Variants in CRELD2 observed in about 807,000 individuals in gnomAD.
The protein encoded by CRELD2 is CRELD disulfide isomerase 2.
Under a neutral mutation model 48.1 loss-of-function variants are expected in CRELD2, and 33 were observed. That is an observed-to-expected ratio of 0.69 (90% CI 0.52 to 0.92). CRELD2 has a LOEUF of 0.92. Ranked by LOEUF, CRELD2 falls within the 40% of genes least tolerant of loss-of-function variation. CRELD2 has a pLI of 0.00. For missense variants in CRELD2, 477 were observed against 482.4 expected, an observed-to-expected ratio of 0.99 and a Z score of 0.10; for synonymous variants, 220 against 203.9, an observed-to-expected ratio of 1.08 and a Z score of -0.67.
chr22:49,922,082 C>T, intron 5 of CRELD2: 1 of 635,810 alleles, frequency 1.6e-6, no homozygotes, highest in Non-Finnish European at 2.7e-6. Flanking sequence ...CCGCACCGGC[C>T]CAGAGAGCAG....
At chr22:49,927,135 C>T (rs569474871) in intron 9 of CRELD2, 120 bp from the exon 10 acceptor site, 77 of 884,626 alleles carry the variant, frequency 8.7e-5, no homozygotes, top group African/African-American at 6.1e-4. Context: ...TGGCTGCGTC[C>T]GGGGCTTTGA....
At chr22:49,924,644 G>T in intron 8 of CRELD2, 189 bp downstream of exon 8, 1 of 480,266 alleles carries the variant, frequency 2.1e-6, no homozygotes, top group Non-Finnish European at 3.8e-6. Flanking sequence ...GGTGGGGGAC[G>T]GGCTCTGCAT....
rs376931184 is a variant in CRELD2, at chr22:49,919,775, C to T, written c.258C>T (p.Ser86=). The T allele has an allele frequency of 9.3e-5, 150 of 1,612,562 alleles. No homozygotes were observed. Among genetic ancestry groups the T allele is most frequent in the Non-Finnish European group, 1.2e-4 (140 of 1,179,500 alleles). The change falls in exon 3 of 10, where the codon AGC becomes AGT. Residue 86 remains serine (S), a synonymous_variant. Coordinates refer to ENST00000328268, the MANE Select transcript of CRELD2 (RefSeq NM_024324.5). The part of the protein sequence containing the change: ...LEILEGLCES[S]DFECNQMLEA... Reference sequence around the variant, plus strand: ...TCCTGGAGGGGCTGTGCGAGAGCAGCGACTTCGAATGCAATCAGATGCTAG... The same window carrying T: ...TCCTGGAGGGGCTGTGCGAGAGCAGTGACTTCGAATGCAATCAGATGCTAG...
Position 49,923,313 on chromosome 22 carries a change from C to T in CRELD2, c.768C>T (p.Cys256=), listed in dbSNP as rs139517764. The change falls in exon 7 of 10, where the codon TGC becomes TGT. Residue 256 remains cysteine, a synonymous_variant. Coordinates refer to ENST00000328268, the MANE Select transcript of CRELD2 (RefSeq NM_024324.5). The stretch of plus-strand genomic sequence containing the variant: ...AGAACGCCAACGGCTCCTACACGTG[C>T]GAAGGTGGGCCAGGCGGGCGGGTCT... The part of the protein sequence containing the change: ...FCKNANGSYT[C]EECDSSCVGC... 1.4e-5 allele frequency: 23 copies of T among 1,598,254 alleles called. No individual in the cohort carries two copies. In the South Asian group the frequency reaches 1.5e-4, roughly 10 times the overall value.
intron 5 of CRELD2, 75 bp from the exon 6 acceptor site, chr22:49,922,535 TCA>T: frequency 6.7e-7 from 1 of 1,484,036 alleles, no homozygotes. Context: ...CTTAAATTCC[TCA>T]CTTTTAAACG....
At chr22:49,925,949 C>T in intron 9 of CRELD2, 1 of 186,740 alleles carries the variant, frequency 5.4e-6, no homozygotes, top group South Asian at 1.1e-4. Flanking sequence ...GCAAGCGGGT[C>T]CCCCACACCT....
In CRELD2 at chr22:49,919,034, C is replaced by G. The variant is rs191156794; in HGVS notation, c.129+136C>G. On this transcript the variant is annotated intron_variant, in intron 1 of 9. Coordinates refer to ENST00000328268, the MANE Select transcript of CRELD2 (RefSeq NM_024324.5). Reference sequence around the variant, plus strand: ...TCCCCCTCACCCTGGATTCGGGATCCCCCTCACCGTCGATCCAGAGTCCCT... The same window carrying G: ...TCCCCCTCACCCTGGATTCGGGATCGCCCTCACCGTCGATCCAGAGTCCCT... The G allele has an allele frequency of 1.1e-3, 753 of 705,968 alleles. 1 individual carries two copies. The highest frequency in any genetic ancestry group is 1.4e-3 in the Non-Finnish European group (645 of 475,994). 43.7% of individuals were successfully genotyped at this position (705,968 alleles called of 1,614,324 possible). A position where few individuals can be genotyped will look rare whatever the true frequency, so the allele number is the denominator to read the frequency against.
chr22:49,919,965 C>T, intron 3 of CRELD2, 125 bp downstream of exon 3: 2 of 822,082 alleles, frequency 2.4e-6, no homozygotes, highest in South Asian at 3.1e-5. Context: ...CCACCTTACC[C>T]CTGCATTACC....
intron 1 of CRELD2, 83 bp downstream of exon 1, chr22:49,918,981 C>G: frequency 1.7e-6 from 2 of 1,205,524 alleles, no homozygotes; most frequent in South Asian, 1.7e-5. Context: ...ACCTTGGGCC[C>G]AGGGTCGCCC....
Position 49,920,141 on chromosome 22 carries a change from T to C in CRELD2, c.324-15T>C. On this transcript the variant is annotated splice_polypyrimidine_tract_variant and intron_variant, in intron 3 of 9. Coordinates refer to ENST00000328268, the MANE Select transcript of CRELD2 (RefSeq NM_024324.5). ...TGTCTGCTGGGATTCAGTGAATGTT[T>C]TCCTCCATCCTCAGGAAGAGCGAAT... 1.3e-6 allele frequency: 2 copies of C among 1,569,118 alleles called. No homozygotes were observed.
intron 3 of CRELD2, 100 bp downstream of exon 3, chr22:49,919,940 C>T (rs2060663884): frequency 1.0e-6 from 1 of 963,970 alleles, no homozygotes; most frequent in South Asian, 1.5e-5. Context: ...TAGGGAGCTC[C>T]CACCTGCCTC....
chr22:49,921,614 A>T lies in CRELD2; in HGVS notation c.445A>T (p.Ser149Cys), dbSNP rs374082017. 18 of 1,612,664 alleles carry T rather than the reference A, an allele frequency of 1.1e-5. No homozygotes were observed. The highest frequency in any genetic ancestry group is 6.7e-5 in the Admixed American group (4 of 59,992). ...ACQGGSQRPC[S>C]GNGHCSGDGS... is the part of the protein sequence containing the mutation. ...CCAGGGCGGATCCCAGAGGCCCTGC[A>T]GCGGGAATGGCCACTGCAGCGGAGA... The change falls in exon 5 of 10, where the codon AGC becomes TGC. Residue 149 changes from serine (S) to cysteine (C), a missense_variant. Ser to Cys is a moderately radical substitution (Grantham distance 112, BLOSUM62 -1). Transcript: ENST00000328268.
chr22:49,925,413 T>G lies in CRELD2; in HGVS notation c.869-4T>G, dbSNP rs751900258. 3.2e-6 allele frequency: 5 copies of G among 1,580,136 alleles called. No individual in the cohort carries two copies. In the South Asian group the frequency reaches 5.7e-5, roughly 18 times the overall value. On this transcript the variant is annotated splice_polypyrimidine_tract_variant and splice_region_variant and intron_variant, in intron 8 of 9. Transcript: ENST00000328268. Reference sequence around the variant, plus strand: ...ATTATTAAAACGGAGTCTTTTCATTTTAGATGTGGACGAGTGCTCACTAGC... The same window carrying G: ...ATTATTAAAACGGAGTCTTTTCATTGTAGATGTGGACGAGTGCTCACTAGC...
At position 49,927,260 on chromosome 22, in the gene CRELD2, ACAG is replaced by A. The variant is rs1471599880; in HGVS notation, c.1016_1018del (p.Thr339_Glu340delinsLys). The A allele has an allele frequency of 1.2e-6, 2 of 1,612,376 alleles. No homozygotes were observed. The highest frequency in any genetic ancestry group is 1.7e-6 in the Non-Finnish European group (2 of 1,179,818). The stretch of plus-strand genomic sequence containing the variant: ...CTATGCTTGTTTTCTGACAGAAGCC[ACAG>A]AAGGAGAAAGCCCGACACAGCTGCC... On this transcript the variant is annotated inframe_deletion, in exon 10 of 10. Coordinates refer to ENST00000328268, the MANE Select transcript of CRELD2 (RefSeq NM_024324.5).
At position 49,924,242 on chromosome 22, in the gene CRELD2, G is replaced by T. The variant is rs932885061; in HGVS notation, c.773-118G>T. On this transcript the variant is annotated intron_variant, in intron 7 of 9. Transcript: ENST00000328268. ...GAGACAGATCGTTATAAAGTCACTT[G>T]GTGATGAATGAGGAGAAAACCCAAA... is the stretch of plus-strand genomic sequence containing the variant. 15 of 641,372 alleles carry T rather than the reference G, an allele frequency of 2.3e-5. No homozygotes were observed. The Admixed American group carries it at 3.1e-4, about 13-fold the overall frequency. 39.7% of individuals were successfully genotyped at this position (641,372 alleles called of 1,614,324 possible). A position where few individuals can be genotyped will look rare whatever the true frequency, so the allele number is the denominator to read the frequency against.
Position 49,921,780 on chromosome 22 carries a change from C to T in CRELD2, c.592+19C>T. 6.3e-7 allele frequency: 1 copy of T among 1,594,706 alleles called. No individual in the cohort carries two copies. ...TGCACAGGTACGGGCTACGCCTGGG[C>T]TGGCCCCGGGGTTGAGGCGGGATGA... On this transcript the variant is annotated intron_variant, in intron 5 of 9. Coordinates refer to ENST00000328268, the MANE Select transcript of CRELD2 (RefSeq NM_024324.5).
chr22:49,923,603 CTT>C, intron 7 of CRELD2: 2 of 538,388 alleles, frequency 3.7e-6, no homozygotes, highest in Admixed American at 2.9e-5. Flanking sequence ...CCCTGCGTGA[CTT>C]TCCGCAGCGC....
At chr22:49,919,975 C>T (rs897367614) in intron 3 of CRELD2, 135 bp downstream of exon 3, 10 of 805,020 alleles carry the variant, frequency 1.2e-5, no homozygotes, top group Non-Finnish European at 2.0e-5. Flanking sequence ...CCTGCATTAC[C>T]GTTTTTTATC....
rs950581939 is a variant in CRELD2, at chr22:49,921,687, A to G, written c.518A>G (p.Gln173Arg). ...DGSCRCHMGY[Q>R]GPLCTDCMDG... ...TCCTGCCGGTGCCACATGGGGTACC[A>G]GGGCCCGCTGTGCACTGACTGCATG... Residue 173 changes from glutamine (Q) to arginine (R), a missense_variant, in exon 5 of 10, where the codon CAG (glutamine) becomes CGG (arginine). By Grantham distance (43) the Gln-to-Arg change is conservative (BLOSUM62 1). Transcript: ENST00000328268. The G allele has an allele frequency of 5.0e-6, 8 of 1,612,922 alleles. No homozygotes were observed. The Admixed American group carries it at 1.2e-4, about 24-fold the overall frequency.
Sources: gnomAD v4.1 joint callset for allele counts on GRCh38, gnomAD v4.1.1 for gene constraint, MANE v1.5 for transcripts, NCBI Gene and HGNC (gene_info 2026-07-23, HGNC 2026-07-21) for gene names.